NBEA: variants seen among roughly 807,000 people sequenced by gnomAD.
NBEA encodes neurobeachin, also known as lysosomal-trafficking regulator 2.
Under a neutral mutation model 343.4 loss-of-function variants are expected in NBEA, and 44 were observed. The ratio of observed to expected loss-of-function variants is 0.13; its 90% CI spans 0.10 to 0.16. The LOEUF (loss-of-function observed/expected upper bound fraction) is 0.16, where lower values mean the gene tolerates loss of function less well. NBEA is among the 10% of genes least tolerant of loss of function. The probability of loss-of-function intolerance (pLI) is 1.00; values close to 1 mark genes in which losing one functional copy is unlikely to be tolerated. For missense variants in NBEA, 2,555 were observed against 3,631.3 expected (o/e 0.70, Z 7.62); for synonymous variants, 1,175 against 1,238.7 (o/e 0.95, Z 1.08).
chr13:35,392,040 C>T (rs1386872816), intron 38 of NBEA, among the ~76,000 whole-genome samples: 3 of 151,924 alleles, frequency 2.0e-5, no homozygotes, highest in South Asian at 2.1e-4. Flanking sequence ...AATTGCAGTC[C>T]GCTTGGTAGA....
In NBEA at chr13:35,070,117, G is replaced by A. The variant is rs1219687611; in HGVS notation, c.1437+12G>A. 2.0e-6 allele frequency: 3 copies of A among 1,480,202 alleles called. No homozygotes were observed. Among genetic ancestry groups the A allele is most frequent in the East Asian group, 2.5e-5 (1 of 40,002 alleles). 91.7% of individuals were successfully genotyped at this position (1,480,202 alleles called of 1,614,324 possible). On this transcript the variant is annotated intron_variant, in intron 9 of 58. Transcript: ENST00000379939. Reference sequence around the variant, plus strand: ...CTCTAATGCTTCAGGTGGGTGAATCGTGGCTTTGTTTTCATGTTCTTGTCA... The same window carrying A: ...CTCTAATGCTTCAGGTGGGTGAATCATGGCTTTGTTTTCATGTTCTTGTCA...
intron 38 of NBEA, among the ~76,000 whole-genome samples, chr13:35,407,519 A>C (rs1331816789): frequency 5.7e-5 from 2 of 35,152 alleles, no homozygotes; most frequent in African/African-American, 1.0e-4. Context: ...CATCATTTCA[A>C]AAAAAAAAAA....
At chr13:35,092,446 A>G (rs2152629813) in intron 10 of NBEA, among the ~76,000 whole-genome samples, 1 of 152,144 alleles carries the variant, frequency 6.6e-6, no homozygotes, top group Admixed American at 6.6e-5. Flanking sequence ...AGGCTGGAGG[A>G]AGATAACAGC....
chr13:35,529,713 C>G (rs1441888021), intron 41 of NBEA, among the ~76,000 whole-genome samples: 1 of 152,140 alleles, frequency 6.6e-6, no homozygotes, highest in African/African-American at 2.4e-5. Context: ...ACTCTTTAGT[C>G]CCTCGTGTCA....
intron 27 of NBEA, among the ~76,000 whole-genome samples, chr13:35,175,653 G>A (rs2070838878): frequency 6.6e-6 from 1 of 152,154 alleles, no homozygotes; most frequent in South Asian, 2.1e-4. Flanking sequence ...TGGGTAAGTA[G>A]CGATGAATGT....
chr13:35,653,971 T>C (rs897819308), intron 53 of NBEA, among the ~76,000 whole-genome samples: 1 of 152,236 alleles, frequency 6.6e-6, no homozygotes, highest in African/African-American at 2.4e-5. Context: ...TGCTTATGTT[T>C]CTTAGTAATT....
chr13:35,391,274 C>CA (rs76463042), intron 38 of NBEA, among the ~76,000 whole-genome samples: 4,812 of 97,030 alleles, frequency 0.05, 121 homozygotes, highest in Non-Finnish European at 0.072. Flanking sequence ...GACTTGATCT[C>CA]AAAAAAAAAA....
At chr13:35,519,621 A>G (rs762183485) in intron 41 of NBEA, among the ~76,000 whole-genome samples, 2 of 152,198 alleles carry the variant, frequency 1.3e-5, no homozygotes, top group Non-Finnish European at 2.9e-5. Flanking sequence ...AATGAAGAGT[A>G]TAATTCATTT....
chr13:35,601,594 T>G (rs993689898), intron 47 of NBEA, among the ~76,000 whole-genome samples: 3 of 151,814 alleles, frequency 2.0e-5, no homozygotes, highest in African/African-American at 4.8e-5. Context: ...AAACCCCATC[T>G]CTACTAAAAA....
chr13:35,332,937 G>C (rs1218387952), intron 36 of NBEA, among the ~76,000 whole-genome samples: 1 of 152,066 alleles, frequency 6.6e-6, no homozygotes, highest in Non-Finnish European at 1.5e-5. Flanking sequence ...CAAGGGGAAG[G>C]AATTCCCTCA....
chr13:35,665,402 A>T (rs926452968), intron 56 of NBEA, among the ~76,000 whole-genome samples: 1 of 152,212 alleles, frequency 6.6e-6, no homozygotes, highest in Non-Finnish European at 1.5e-5. Context: ...CAGTGTTCTA[A>T]GCAGAACACT....
chr13:35,177,956 T>C (rs1469594750), intron 28 of NBEA, among the ~76,000 whole-genome samples: 9 of 151,716 alleles, frequency 5.9e-5, no homozygotes, highest in Admixed American at 5.3e-4. Context: ...GAATGTACAA[T>C]AGAAAAATCA....
intron 44 of NBEA, among the ~76,000 whole-genome samples, chr13:35,564,672 G>A (rs907530518): frequency 1.8e-4 from 28 of 152,234 alleles, no homozygotes; most frequent in Middle Eastern, 3.4e-3. Flanking sequence ...CTCATCATTA[G>A]TATTATTCAC....
At position 35,168,053 on chromosome 13, in the gene NBEA, GTTTATT is replaced by G. The variant is rs138294358; in HGVS notation, c.4234-927_4234-922del. ...CAAAAATAACAAAGTCTTAATTTTA[GTTTATT>G]TTTATTATCAGAATGTATCATAAAT... On this transcript the variant is annotated intron_variant, in intron 24 of 58. Transcript: ENST00000379939. Among the ~76,000 whole-genome samples, 22 of 151,740 alleles carry G rather than the reference GTTTATT, an allele frequency of 1.4e-4. No homozygotes were observed. The East Asian group carries it at 3.1e-3, about 21-fold the overall frequency.
chr13:35,362,304 C>T (rs1047790249), intron 38 of NBEA, among the ~76,000 whole-genome samples: 1 of 151,650 alleles, frequency 6.6e-6, no homozygotes, highest in African/African-American at 2.4e-5. Flanking sequence ...TATAGCTATA[C>T]CTATAAATAG....
intron 38 of NBEA, among the ~76,000 whole-genome samples, chr13:35,366,431 A>T (rs1366419549): frequency 6.6e-6 from 1 of 151,364 alleles, no homozygotes; most frequent in African/African-American, 2.4e-5. Flanking sequence ...GAAAATAGAT[A>T]CAAGTAATAT....
intron 13 of NBEA, 106 bp downstream of exon 13, chr13:35,111,084 T>C: frequency 1.1e-6 from 1 of 925,940 alleles, no homozygotes; most frequent in South Asian, 4.0e-5. Flanking sequence ...CTGAAATGTT[T>C]TCTTTCTTAT....
chr13:35,224,773 T>C (rs1227514939), intron 33 of NBEA, among the ~76,000 whole-genome samples: 1 of 152,124 alleles, frequency 6.6e-6, no homozygotes, highest in African/African-American at 2.4e-5. Context: ...TCTCTGGCTT[T>C]TTTTGTTTGT....
At chr13:35,475,587 A>T (rs781359364) in intron 41 of NBEA, 1 of 1,613,564 alleles carries the variant, frequency 6.2e-7, no homozygotes. Flanking sequence ...GCCAGTGGGC[A>T]GCACTCCTCG....
Sources: allele counts gnomAD v4.1 joint callset (sites outside exome capture counted in the v4.1 genomes callset), GRCh38; gene constraint gnomAD v4.1.1; transcripts MANE v1.5; gene names NCBI Gene and HGNC (gene_info 2026-07-23, HGNC 2026-07-21).